Variants in RPL18 observed in about 807,000 individuals in gnomAD.
The protein encoded by RPL18 is ribosomal protein L18, also known as large ribosomal subunit protein eL18.
In RPL18, 4 loss-of-function variants were observed where a neutral mutation model predicts 25.0. That is an observed-to-expected ratio of 0.16 (90% CI 0.08 to 0.37). The LOEUF (loss-of-function observed/expected upper bound fraction) is 0.37, where lower values mean the gene tolerates loss of function less well. Among genes scored for constraint, RPL18 ranks in the 10% least tolerant of loss-of-function variants. The probability of loss-of-function intolerance (pLI) is 1.00; values close to 1 mark genes in which losing one functional copy is unlikely to be tolerated. For synonymous variants in RPL18, 129 were observed against 101.6 expected (o/e 1.27, Z -1.62); for missense variants, 179 against 267.9 (o/e 0.67, Z 2.32).
rs554024004 is a variant in RPL18 at position 48,616,253 on chromosome 19, G to A, written c.298-51C>T. ...GTCAGACCCCTGCGTGGTCACCCAG[G>A]GGCTGCCAGGACTCACCCTCCACTG... On this transcript the variant is annotated intron_variant, in intron 4 of 6. Transcript: ENST00000549920. 43 of 1,603,582 alleles carry A rather than the reference G, an allele frequency of 2.7e-5. 1 individual carries two copies. In the South Asian group the frequency reaches 4.0e-4, roughly 15 times the overall value.
chr19:48,616,747 A>T lies in RPL18; in HGVS notation c.276T>A (p.Val92=), dbSNP rs757696471. ...VVGTITDDVR[V]QEVPKLKVCA... is the part of the protein sequence containing the mutation. ...TCACCTTCAGTTTGGGTACCTCCTG[A>T]ACCCGCACATCATCAGTTATGGTCC... Residue 92 remains valine (V), a synonymous_variant, in exon 4 of 7, where the codon GTT becomes GTA. Coordinates refer to ENST00000549920, the MANE Select transcript of RPL18 (RefSeq NM_000979.4). The T allele has an allele frequency of 6.2e-7, 1 of 1,613,578 alleles. No homozygotes were observed. The highest frequency in any genetic ancestry group is 8.5e-7 in the Non-Finnish European group (1 of 1,179,558).
intron 1 of RPL18, chr19:48,618,561 G>A (rs903882825): frequency 6.3e-6 from 1 of 159,334 alleles, no homozygotes; most frequent in African/African-American, 2.4e-5. Flanking sequence ...AGCACTTACT[G>A]TGTGCAAAAC....
chr19:48,616,622 G>T (rs770416921), intron 4 of RPL18, 104 bp downstream of exon 4: 2 of 841,240 alleles, frequency 2.4e-6, no homozygotes, highest in Admixed American at 3.6e-5. Flanking sequence ...CCTCACCAGC[G>T]GTGGCAAGAC....
Position 48,617,358 on chromosome 19 carries a change from A to G in RPL18, c.156T>C (p.Phe52=), listed in dbSNP as rs779246882. 5 of 1,614,052 alleles carry G rather than the reference A, an allele frequency of 3.1e-6. No homozygotes were observed. In the African/African-American group the frequency reaches 4.0e-5, roughly 13 times the overall value. Residue 52 remains phenylalanine (F), a synonymous_variant, in exon 3 of 7, where the codon TTT becomes TTC. Coordinates refer to ENST00000549920, the MANE Select transcript of RPL18 (RefSeq NM_000979.4). The part of the protein sequence containing the change: ...TFNQVVLKRL[F]MSRTNRPPLS... ...GAGGCGGCCGGTTGGTGCGACTCAT[A>G]AACAACCTCTTCAACACAACCTGGT...
chr19:48,615,743 A>G (rs1974146583), intron 6 of RPL18, 134 bp downstream of exon 6: 2 of 790,614 alleles, frequency 2.5e-6, no homozygotes, highest in African/African-American at 3.4e-5. Flanking sequence ...AGCAGGCAGG[A>G]TGAGGCAGCT....
chr19:48,617,946 A>G (rs945906356), intron 1 of RPL18, 69 bp from the exon 2 acceptor site: 1 of 1,232,272 alleles, frequency 8.1e-7, no homozygotes. Context: ...CTTATTTCTG[A>G]AACTGAGAGC....
At chr19:48,618,982 A>G in intron 1 of RPL18, 159 bp downstream of exon 1, 1 of 727,848 alleles carries the variant, frequency 1.4e-6, no homozygotes, top group Non-Finnish European at 2.4e-6. Context: ...TGACTGACCC[A>G]TCCCTGCTTT....
chr19:48,617,375 C>A lies in RPL18; in HGVS notation c.139G>T (p.Val47Leu), dbSNP rs1159601947. 1 of 1,614,084 alleles carries A rather than the reference C, an allele frequency of 6.2e-7. No individual in the cohort carries two copies. Among genetic ancestry groups the A allele is most frequent in the Non-Finnish European group, 8.5e-7 (1 of 1,180,032 alleles). The change falls in exon 3 of 7, where the codon GTG becomes TTG. Residue 47 changes from valine to leucine, a missense_variant. Physicochemically the swap from Val to Leu is conservative, Grantham distance 32. Transcript: ENST00000549920. ...CGACTCATAAACAACCTCTTCAACA[C>A]AACCTGGTTGAATGTGGAGTTGGTT... is the stretch of plus-strand genomic sequence containing the variant. ...RRTNSTFNQV[V>L]LKRLFMSRTN...
chr19:48,615,755 A>ACTCC (rs1278674630), intron 6 of RPL18, 122 bp downstream of exon 6: 1 of 860,364 alleles, frequency 1.2e-6, no homozygotes, highest in East Asian at 2.6e-5. Context: ...GAGGCAGCTG[A>ACTCC]GAGTTCCAGA....
intron 1 of RPL18, chr19:48,618,824 G>A (rs973774102): frequency 6.6e-6 from 3 of 456,096 alleles, no homozygotes; most frequent in Admixed American, 4.0e-5. Context: ...CCAGATAAAG[G>A]CAGCAAAGCC....
intron 1 of RPL18, chr19:48,618,460 G>A (rs1375419413): frequency 6.5e-6 from 1 of 154,392 alleles, no homozygotes; most frequent in African/African-American, 2.4e-5. Context: ...CGCCTCGCCA[G>A]GCTCCTACCG....
chr19:48,616,877 C>A, intron 3 of RPL18, 53 bp from the exon 4 acceptor site: 2 of 1,391,050 alleles, frequency 1.4e-6, no homozygotes, highest in Non-Finnish European at 1.0e-6. Flanking sequence ...TACATTCAGC[C>A]CCGCTTGAGG....
At chr19:48,616,874 AG>A in intron 3 of RPL18, 50 bp from the exon 4 acceptor site, 1 of 1,439,196 alleles carries the variant, frequency 6.9e-7, no homozygotes, top group Non-Finnish European at 9.8e-7. Context: ...GTTTACATTC[AG>A]CCCCGCTTGA....
chr19:48,616,480 C>A (rs1974174550), intron 4 of RPL18: 1 of 682,792 alleles, frequency 1.5e-6, no homozygotes, highest in Admixed American at 2.1e-5. Context: ...CCCAGGCTGT[C>A]TGGCTCTAGG....
At chr19:48,617,665 A>G (rs1289860978) in intron 2 of RPL18, 126 bp downstream of exon 2, 1 of 753,148 alleles carries the variant, frequency 1.3e-6, no homozygotes, top group African/African-American at 1.8e-5. Context: ...AGACCCTGGA[A>G]CAGAACCAGA....
At chr19:48,617,071 G>T in intron 3 of RPL18, 1 of 703,086 alleles carries the variant, frequency 1.4e-6, no homozygotes, top group Non-Finnish European at 2.6e-6. Flanking sequence ...TATGACTTGG[G>T]GCAATCTCCT....
At chr19:48,616,901 G>A (rs1974193137) in intron 3 of RPL18, 77 bp from the exon 4 acceptor site, 2 of 1,095,118 alleles carry the variant, frequency 1.8e-6, no homozygotes, top group Non-Finnish European at 2.8e-6. Context: ...CCCCAGGCCA[G>A]GGCAGCTGTG....
chr19:48,617,551 A>C, intron 2 of RPL18, 128 bp from the exon 3 acceptor site: 1 of 781,048 alleles, frequency 1.3e-6, no homozygotes, highest in Non-Finnish European at 2.1e-6. Context: ...CCACCGACCT[A>C]GAGGGAGAAA....
rs1974145633 is a variant in RPL18, at chr19:48,615,708, A to G, written c.491+169T>C. 2.2e-5 allele frequency: 15 copies of G among 679,488 alleles called. No individual in the cohort carries two copies. The East Asian group carries it at 3.8e-4, about 17-fold the overall frequency. 42.1% of individuals were successfully genotyped at this position (679,488 alleles called of 1,614,324 possible). ...TGCCTGCTCAGGCCCTGGAAAACAC[A>G]GCTCCAAGCAGTGTTGAAGGGAAAA... On this transcript the variant is annotated intron_variant, in intron 6 of 6. Transcript: ENST00000549920.
Sources: allele counts gnomAD v4.1 joint callset, GRCh38; gene constraint gnomAD v4.1.1; transcripts MANE v1.5; gene names NCBI Gene and HGNC (gene_info 2026-07-23, HGNC 2026-07-21).